The following PFKFB1 variants were observed in gnomAD, a reference collection of about 807,000 sequenced individuals.
The protein encoded by PFKFB1 is 6-phosphofructo-2-kinase/fructose-2,6-bisphosphatase 1.
In PFKFB1, 34 loss-of-function variants were observed where a neutral mutation model predicts 46.4. That is an observed-to-expected ratio of 0.73 (90% CI 0.56 to 0.98). The LOEUF is 0.98. Among genes scored for constraint, PFKFB1 ranks in the 50% least tolerant of loss-of-function variants. The probability of loss-of-function intolerance (pLI) is 0.00; values close to 1 mark genes in which losing one functional copy is unlikely to be tolerated. For missense variants in PFKFB1, 393 were observed against 376.3 expected, an observed-to-expected ratio of 1.04 and a Z score of -0.37; for synonymous variants, 119 against 133.8, an observed-to-expected ratio of 0.89 and a Z score of 0.76.
At chrX:54,936,771 C>T (rs767721931) in intron 11 of PFKFB1, among the ~76,000 whole-genome samples, 11 of 111,895 alleles carry the variant, frequency 9.8e-5, no homozygotes, top group Admixed American at 1.9e-4. Flanking sequence ...CCCTGGGTTC[C>T]AATTCTGGAT....
intron 1 of PFKFB1, among the ~76,000 whole-genome samples, chrX:54,966,749 C>G (rs746700829): frequency 9.0e-6 from 1 of 111,590 alleles, no homozygotes; most frequent in Admixed American, 9.6e-5. Flanking sequence ...CATCCTCACT[C>G]TCTCCTCCTG....
chrX:54,940,407 G>A (rs1397398740), intron 10 of PFKFB1, among the ~76,000 whole-genome samples: 31 of 111,741 alleles, frequency 2.8e-4, no homozygotes, highest in Non-Finnish European at 1.3e-4. Context: ...TCAGGCAGGA[G>A]AGAGAAATAA....
At chrX:54,937,286 T>C (rs1463244598) in intron 11 of PFKFB1, among the ~76,000 whole-genome samples, 1 of 111,836 alleles carries the variant, frequency 8.9e-6, no homozygotes, top group Non-Finnish European at 1.9e-5. Flanking sequence ...CTAAGAATAA[T>C]ACTATACTAA....
At chrX:54,952,303 G>C (rs1036598088) in intron 7 of PFKFB1, among the ~76,000 whole-genome samples, 191 bp from the exon 8 acceptor site, 3 of 111,951 alleles carry the variant, frequency 2.7e-5, no homozygotes, top group Non-Finnish European at 3.8e-5. Flanking sequence ...ACCCAAAGGA[G>C]CTCATTGCAT....
intron 2 of PFKFB1, 82 bp downstream of exon 2, chrX:54,963,174 GA>G (rs1934368663): frequency 1.1e-6 from 1 of 944,319 alleles, no homozygotes; most frequent in Non-Finnish European, 1.5e-6. Context: ...TTCTGGTATT[GA>G]GGACTTTGGC....
rs1176348937 is a variant in PFKFB1, at chrX:54,956,085, C to G, written c.638+68G>C. ...GGCCCAGCAAGGGAGGATATTTACT[C>G]TAGGTTCTACAGGATATCAAAACTG... is the stretch of plus-strand genomic sequence containing the variant. On this transcript the variant is annotated intron_variant, in intron 7 of 13. Transcript: ENST00000375006. 7 of 709,557 alleles carry G rather than the reference C, an allele frequency of 9.9e-6. No homozygotes were observed. In the Admixed American group the frequency reaches 2.1e-4, roughly 21 times the overall value. 58.5% of individuals were successfully genotyped at this position (709,557 alleles called of 1,213,427 possible). A position where few individuals can be genotyped will look rare whatever the true frequency, so the allele number is the denominator to read the frequency against.
chrX:54,940,681 C>G (rs1206524576), intron 10 of PFKFB1, among the ~76,000 whole-genome samples: 1 of 111,188 alleles, frequency 9.0e-6, no homozygotes, highest in Admixed American at 9.5e-5. Flanking sequence ...ATCCAACTTA[C>G]AAGGGATGTG....
intron 11 of PFKFB1, among the ~76,000 whole-genome samples, chrX:54,936,829 A>G (rs186636354): frequency 1.3e-3 from 140 of 111,965 alleles, no homozygotes; most frequent in African/African-American, 4.4e-3. Context: ...ATCGTAGAAA[A>G]GATCCAAGAC....
At chrX:54,987,452 G>A (rs1297263193) in intron 1 of PFKFB1, among the ~76,000 whole-genome samples, 1 of 111,023 alleles carries the variant, frequency 9.0e-6, no homozygotes, top group African/African-American at 3.3e-5. Flanking sequence ...CAGTATTTCC[G>A]TGCTACCAAA....
chrX:54,975,495 A>C (rs933794755), intron 1 of PFKFB1, among the ~76,000 whole-genome samples: 3 of 110,948 alleles, frequency 2.7e-5, no homozygotes, highest in Admixed American at 9.7e-5. Context: ...GGATGGAAGG[A>C]GGGTGAGTGA....
rs1351087420 is a variant in PFKFB1, at chrX:54,938,960, C to A, written c.1099-1236G>T. ...ACATTCTTCTCAGCACCACACCGCA[C>A]TTATTCCAAAATTGACCACCTGGTT... On this transcript the variant is annotated intron_variant, in intron 10 of 13. Transcript: ENST00000375006. 2.7e-5 allele frequency among the ~76,000 whole-genome samples: 3 copies of A among 111,937 alleles called. No individual in the cohort carries two copies. The East Asian group carries it at 8.4e-4, about 31-fold the overall frequency.
intron 11 of PFKFB1, 119 bp downstream of exon 11, chrX:54,937,476 A>T (rs1459713172): frequency 2.0e-5 from 13 of 642,949 alleles, no homozygotes; most frequent in Non-Finnish European, 3.0e-5. Context: ...AAGAATCTGA[A>T]CCTAGGCATC....
intron 8 of PFKFB1, 55 bp downstream of exon 8, chrX:54,951,850 C>T (rs1933984460): frequency 9.7e-7 from 1 of 1,032,581 alleles, no homozygotes; most frequent in Non-Finnish European, 1.3e-6. Context: ...ACTACACCTG[C>T]AGCCCACCTA....
chrX:54,960,352 T>C (rs1934273338), intron 3 of PFKFB1, among the ~76,000 whole-genome samples: 1 of 112,594 alleles, frequency 8.9e-6, no homozygotes, highest in South Asian at 3.6e-4. Flanking sequence ...CCAGGTTCTA[T>C]AATGAAGGCA....
chrX:54,968,397 A>C (rs1481425726), intron 1 of PFKFB1, among the ~76,000 whole-genome samples: 2 of 108,189 alleles, frequency 1.8e-5, no homozygotes, highest in African/African-American at 3.4e-5. Flanking sequence ...GGTGCAGCAC[A>C]CCAGCATGGC....
chrX:54,957,705 T>C (rs1934193060), intron 6 of PFKFB1, among the ~76,000 whole-genome samples: 1 of 111,400 alleles, frequency 9.0e-6, no homozygotes, highest in Non-Finnish European at 1.9e-5. Context: ...AAAGAAAATA[T>C]AGATATACAT....
chrX:54,965,810 C>A (rs1435465064), intron 1 of PFKFB1, among the ~76,000 whole-genome samples: 1 of 110,953 alleles, frequency 9.0e-6, no homozygotes, highest in East Asian at 2.8e-4. Context: ...TAGTCTTGTA[C>A]TACACATGAA....
At chrX:54,998,561 T>G (rs1935389105), upstream of PFKFB1, 1 of 524,558 alleles carries the variant, frequency 1.9e-6, no homozygotes, top group Admixed American at 3.0e-5. Flanking sequence ...GTACCCTTGT[T>G]AAGTGGGGGA....
At position 54,994,018 on chromosome X, in the gene PFKFB1, G is replaced by A. The variant is rs374902095; in HGVS notation, c.-11C>T. 2.3e-5 allele frequency: 28 copies of A among 1,192,086 alleles called. No individual in the cohort carries two copies. The highest frequency in any genetic ancestry group is 1.8e-4 in the African/African-American group (10 of 56,769). ...CATCTCTGGAGACATCTTAGGAGTC[G>A]CACCGAATGACATCACTGCCCACAA... On this transcript the variant is annotated 5_prime_UTR_variant, in exon 1 of 14. Coordinates refer to ENST00000375006, the MANE Select transcript of PFKFB1 (RefSeq NM_002625.4).
Sources: allele counts gnomAD v4.1 joint callset (sites outside exome capture counted in the v4.1 genomes callset), GRCh38; gene constraint gnomAD v4.1.1; transcripts MANE v1.5; gene names NCBI Gene and HGNC (gene_info 2026-07-23, HGNC 2026-07-21).